The following CRB1 variants were observed in gnomAD, a reference collection of about 807,000 sequenced individuals.
The protein encoded by CRB1 is protein crumbs homolog 1.
CRB1 carries 83 observed loss-of-function variants against 120.0 expected under a neutral mutation model. The ratio of observed to expected loss-of-function variants is 0.69; its 90% CI spans 0.58 to 0.83. The LOEUF is 0.83. Ranked by LOEUF, CRB1 falls within the 40% of genes least tolerant of loss-of-function variation. CRB1 has a pLI of 0.00. For missense variants in CRB1, 1,699 were observed against 1,687.6 expected (o/e 1.01, Z -0.12); for synonymous variants, 625 against 612.5 (o/e 1.02, Z -0.30).
chr1:197,231,430 T>G, the CRB1 span, among the ~76,000 whole-genome samples: 1 of 152,120 alleles, frequency 6.6e-6, no homozygotes, highest in Admixed American at 6.5e-5. Flanking sequence ...GACATGAAAC[T>G]GGATTCTGGG....
At chr1:197,303,856 T>C (rs972421422) in intron 1 of CRB1, among the ~76,000 whole-genome samples, 1 of 152,092 alleles carries the variant, frequency 6.6e-6, no homozygotes, top group East Asian at 1.9e-4. Flanking sequence ...AGAGTGTTGG[T>C]GTGTGCCTGT....
At chr1:197,429,178 G>A in intron 7 of CRB1, 1 of 1,526,900 alleles carries the variant, frequency 6.5e-7, no homozygotes. Flanking sequence ...AAATTACAGA[G>A]GACACTGCTA....
At chr1:197,224,717 A>T in the CRB1 span, among the ~76,000 whole-genome samples, 1 of 152,100 alleles carries the variant, frequency 6.6e-6, no homozygotes, top group Non-Finnish European at 1.5e-5. Context: ...CATGCTGAAG[A>T]TACAGTCCTA....
chr1:197,265,898 G>A (rs959084782), upstream of CRB1, among the ~76,000 whole-genome samples: 3 of 152,112 alleles, frequency 2.0e-5, no homozygotes, highest in African/African-American at 4.8e-5. Flanking sequence ...ATTGCTGCTA[G>A]ATTTATCTTT....
chr1:197,313,203 C>A (rs576420467), intron 1 of CRB1, among the ~76,000 whole-genome samples: 1 of 152,306 alleles, frequency 6.6e-6, no homozygotes, highest in South Asian at 2.1e-4. Flanking sequence ...AGCACTCACT[C>A]ACTATCACAA....
intron 1 of CRB1, among the ~76,000 whole-genome samples, chr1:197,315,888 C>A (rs939046755): frequency 1.3e-5 from 2 of 152,248 alleles, no homozygotes; most frequent in East Asian, 1.9e-4. Flanking sequence ...TAAGATATAA[C>A]AATTGCTTCT....
chr1:197,411,542 T>A (rs1025399853), intron 5 of CRB1, among the ~76,000 whole-genome samples: 46 of 152,270 alleles, frequency 3.0e-4, no homozygotes, highest in Middle Eastern at 3.4e-3. Flanking sequence ...AAAACTGTCT[T>A]CTTTAGTTGA....
chr1:197,325,797 A>G lies in CRB1; in HGVS notation c.71-2625A>G, dbSNP rs182599238. Among the ~76,000 whole-genome samples, 859 of 152,326 alleles carry G rather than the reference A, an allele frequency of 5.6e-3. 8 individuals carry two copies. Among genetic ancestry groups the G allele is most frequent in the African/African-American group, 0.019 (780 of 41,564 alleles). ...TATATACATTAGTGAGGATACAATG[A>G]GGAGTGTTTATCTAGCTAAATATGA... On this transcript the variant is annotated intron_variant, in intron 1 of 11. Transcript: ENST00000367400.
At chr1:197,351,622 G>T (rs1368854397) in intron 4 of CRB1, among the ~76,000 whole-genome samples, 1 of 152,108 alleles carries the variant, frequency 6.6e-6, no homozygotes, top group Non-Finnish European at 1.5e-5. Flanking sequence ...GATGATCAAA[G>T]AAAATAACAC....
intron 5 of CRB1, 26 bp downstream of exon 5, chr1:197,357,039 CTT>C: frequency 6.2e-7 from 1 of 1,611,522 alleles, no homozygotes; most frequent in Non-Finnish European, 8.5e-7. Context: ...TGGGATATGA[CTT>C]GACTTTCTGG....
At chr1:197,323,077 C>T (rs1448221542) in intron 1 of CRB1, among the ~76,000 whole-genome samples, 2 of 151,950 alleles carry the variant, frequency 1.3e-5, no homozygotes, top group African/African-American at 2.4e-5. Context: ...TTTATAATAT[C>T]AAAAATAATA....
At chr1:197,432,856 G>A (rs892436110) in intron 8 of CRB1, among the ~76,000 whole-genome samples, 7 of 152,160 alleles carry the variant, frequency 4.6e-5, no homozygotes, top group Non-Finnish European at 1.0e-4. Context: ...GAAAAGCCAA[G>A]TATAAGAAGA....
chr1:197,434,254 G>A (rs1665013363), intron 8 of CRB1, among the ~76,000 whole-genome samples: 1 of 152,036 alleles, frequency 6.6e-6, no homozygotes, highest in Admixed American at 6.6e-5. Context: ...AATTTTCTGG[G>A]TCACCATAGC....
the CRB1 span, among the ~76,000 whole-genome samples, chr1:197,202,104 G>T: frequency 6.6e-6 from 1 of 151,934 alleles, no homozygotes; most frequent in Non-Finnish European, 1.5e-5. Context: ...TAAGATGAAG[G>T]CTGAGACAAA....
chr1:197,232,187 C>T, the CRB1 span, among the ~76,000 whole-genome samples: 1 of 152,002 alleles, frequency 6.6e-6, no homozygotes, highest in Non-Finnish European at 1.5e-5. Flanking sequence ...CTAGAGGATC[C>T]AAGGGAATGC....
chr1:197,218,847 T>C, the CRB1 span, among the ~76,000 whole-genome samples: 5 of 152,192 alleles, frequency 3.3e-5, no homozygotes, highest in African/African-American at 1.2e-4. Flanking sequence ...GGAAAAACAA[T>C]ATCCTCAGGG....
chr1:197,396,405 A>G (rs758957954), intron 5 of CRB1, among the ~76,000 whole-genome samples: 2 of 152,182 alleles, frequency 1.3e-5, no homozygotes, highest in African/African-American at 2.4e-5. Context: ...TGCAAATTTA[A>G]TCTCTGCATT....
At chr1:197,454,277 CTTA>C in intron 11 of CRB1, among the ~76,000 whole-genome samples, 1 of 3,712 alleles carries the variant, frequency 2.7e-4, no homozygotes, top group Non-Finnish European at 1.4e-3. Context: ...TAAAAAGTTA[CTTA>C]CTTAAGACAG....
At chr1:197,425,325 G>A (rs1664527184) in intron 6 of CRB1, among the ~76,000 whole-genome samples, 1 of 152,168 alleles carries the variant, frequency 6.6e-6, no homozygotes, top group African/African-American at 2.4e-5. Context: ...CAATGTTCCT[G>A]TATTAAATCA....
Sources: gnomAD v4.1 joint callset for allele counts (sites outside exome capture counted in the v4.1 genomes callset) on GRCh38, gnomAD v4.1.1 for gene constraint, MANE v1.5 for transcripts, NCBI Gene and HGNC (gene_info 2026-07-23, HGNC 2026-07-21) for gene names.